SHROOM4: variants seen among roughly 807,000 people sequenced by gnomAD.
SHROOM4 encodes the protein shroom family member 4, also known as protein Shroom4.
In SHROOM4, 17 loss-of-function variants were observed where a neutral mutation model predicts 80.3. The ratio of observed to expected loss-of-function variants is 0.21; its 90% confidence interval spans 0.14 to 0.32. The LOEUF is 0.32. Ranked by LOEUF, SHROOM4 falls within the 10% of genes least tolerant of loss-of-function variation. The probability of loss-of-function intolerance (pLI) is 1.00; values close to 1 mark genes in which losing one functional copy is unlikely to be tolerated. For synonymous variants in SHROOM4, 400 were observed against 437.5 expected (o/e 0.91, Z 1.07); for missense variants, 993 against 1,140.3 (o/e 0.87, Z 1.86).
At chrX:50,652,337 C>T (rs947096424) in intron 2 of SHROOM4, among the ~76,000 whole-genome samples, 19 of 112,087 alleles carry the variant, frequency 1.7e-4, no homozygotes, top group African/African-American at 5.2e-4. Context: ...TGGCCAATGA[C>T]GATAAGCTTT....
chrX:50,578,299 A>T, the SHROOM4 span, among the ~76,000 whole-genome samples: 5 of 111,682 alleles, frequency 4.5e-5, no homozygotes, highest in Non-Finnish European at 9.4e-5. Flanking sequence ...TAAATTAATT[A>T]ATTTATTTAT....
In SHROOM4 at chrX:50,655,483, ATG is replaced by A. The variant is rs1160048698; in HGVS notation, c.270-17177_270-17176del. On this transcript the variant is annotated intron_variant, in intron 2 of 8. Coordinates refer to ENST00000376020, the MANE Select transcript of SHROOM4 (RefSeq NM_020717.5). ...ATGGCTGTATAGTATTTCATTGTAT[ATG>A]TGTGTGTGTATATATATATTTCATA... Among the ~76,000 whole-genome samples, 7 of 106,627 alleles carry A rather than the reference ATG, an allele frequency of 6.6e-5. No homozygotes were observed. In the South Asian group the frequency reaches 1.6e-3, roughly 24 times the overall value. 92.6% of individuals were successfully genotyped at this position (106,627 alleles called of 115,157 possible).
chrX:50,630,645 G>A (rs1305865218), intron 4 of SHROOM4, among the ~76,000 whole-genome samples: 3 of 110,399 alleles, frequency 2.7e-5, no homozygotes, highest in Non-Finnish European at 5.7e-5. Flanking sequence ...CATATACCCA[G>A]CACCTAGATT....
In SHROOM4 at chrX:50,644,588, T is replaced by C. The variant is rs1931750688; in HGVS notation, c.270-6280A>G. Among the ~76,000 whole-genome samples, 3 of 112,494 alleles carry C rather than the reference T, an allele frequency of 2.7e-5. No homozygotes were observed. The South Asian group carries it at 1.1e-3, about 42-fold the overall frequency. ...CCTTTCATTAACACTCCCAATTCCCTACTCCAGTTTCCCTTGGCCTCTGGC... is the reference window on the plus strand; with the variant it reads ...CCTTTCATTAACACTCCCAATTCCCCACTCCAGTTTCCCTTGGCCTCTGGC... On this transcript the variant is annotated intron_variant, in intron 2 of 8. Coordinates refer to ENST00000376020, the MANE Select transcript of SHROOM4 (RefSeq NM_020717.5).
At chrX:50,578,960 A>G in the SHROOM4 span, among the ~76,000 whole-genome samples, 2 of 111,800 alleles carry the variant, frequency 1.8e-5, no homozygotes, top group East Asian at 5.6e-4. Context: ...AATACTGAGC[A>G]GAAAAGAAGA....
intron 1 of SHROOM4, among the ~76,000 whole-genome samples, chrX:50,773,162 T>C (rs782571942): frequency 1.8e-5 from 2 of 112,486 alleles, no homozygotes; most frequent in Non-Finnish European, 3.8e-5. Context: ...CTACTATTCA[T>C]ACTACCATTA....
At chrX:50,646,747 T>C (rs1311184529) in intron 2 of SHROOM4, among the ~76,000 whole-genome samples, 1 of 109,412 alleles carries the variant, frequency 9.1e-6, no homozygotes, top group Non-Finnish European at 1.9e-5. Flanking sequence ...GTTCAAGTTC[T>C]TCCATGTAAA....
chrX:50,654,029 C>A (rs2147351050), intron 2 of SHROOM4, among the ~76,000 whole-genome samples: 1 of 111,953 alleles, frequency 8.9e-6, no homozygotes, highest in South Asian at 3.8e-4. Flanking sequence ...ATACGGGCTG[C>A]TGCTATTTTG....
intron 1 of SHROOM4, among the ~76,000 whole-genome samples, chrX:50,742,149 A>G (rs959976806): frequency 9.2e-6 from 1 of 108,427 alleles, no homozygotes; most frequent in South Asian, 3.9e-4. Flanking sequence ...ACCTCCTTTC[A>G]CTTCCCCCCT....
At chrX:50,675,170 T>C (rs1260509613) in intron 2 of SHROOM4, among the ~76,000 whole-genome samples, 2 of 111,198 alleles carry the variant, frequency 1.8e-5, no homozygotes, top group Admixed American at 9.6e-5. Flanking sequence ...TGGGGCCTTT[T>C]GGAAGGTGGA....
At chrX:50,679,553 G>A (rs782592371) in intron 2 of SHROOM4, among the ~76,000 whole-genome samples, 25 of 111,246 alleles carry the variant, frequency 2.2e-4, no homozygotes, top group African/African-American at 7.8e-4. Context: ...ATTGTTTTGT[G>A]TGCATGTATT....
intron 1 of SHROOM4, among the ~76,000 whole-genome samples, chrX:50,791,935 A>C (rs1935861260): frequency 9.0e-6 from 1 of 111,177 alleles, no homozygotes; most frequent in Non-Finnish European, 1.9e-5. Flanking sequence ...GAAGGGTATC[A>C]AGACTACAAA....
At chrX:50,657,122 C>G (rs1367809823) in intron 2 of SHROOM4, among the ~76,000 whole-genome samples, 2 of 111,645 alleles carry the variant, frequency 1.8e-5, no homozygotes, top group African/African-American at 6.5e-5. Flanking sequence ...TGCAACTTTA[C>G]TGAATTCTTT....
chrX:50,755,630 C>T (rs1602490325), intron 1 of SHROOM4, among the ~76,000 whole-genome samples: 1 of 111,940 alleles, frequency 8.9e-6, no homozygotes, highest in East Asian at 2.8e-4. Context: ...AAATTATTTG[C>T]CACTTTTCAT....
chrX:50,687,217 G>A (rs782618392), intron 2 of SHROOM4: 1 of 107,533 alleles, frequency 9.3e-6, no homozygotes, highest in Non-Finnish European at 1.9e-5. Flanking sequence ...TTTAGGTTTT[G>A]TAGACTATAT....
At chrX:50,767,852 A>G (rs186589952) in intron 1 of SHROOM4, among the ~76,000 whole-genome samples, 155 of 112,100 alleles carry the variant, frequency 1.4e-3, no homozygotes, top group Middle Eastern at 4.6e-3. Context: ...TTTATAAATT[A>G]TAAGTTCTGT....
Position 50,814,086 on chromosome X carries a change from G to C in SHROOM4, c.-68C>G. On this transcript the variant is annotated 5_prime_UTR_variant, in exon 1 of 9. Transcript: ENST00000376020. ...GGCTACGTTGCCTCCGCCCCCAGCA[G>C]CTCCGCCACCATCGCCCTCCAGCTC... The C allele has an allele frequency of 1.3e-6, 1 of 750,579 alleles. No homozygotes were observed. Among genetic ancestry groups the C allele is most frequent in the South Asian group, 2.2e-5 (1 of 45,354 alleles). 61.9% of individuals were successfully genotyped at this position (750,579 alleles called of 1,213,427 possible). A position where few individuals can be genotyped will look rare whatever the true frequency, so the allele number is the denominator to read the frequency against.
Position 50,595,596 on chromosome X carries a change from A to G in SHROOM4, c.*1099T>C. 4.5e-6 allele frequency: 1 copy of G among 224,111 alleles called. No homozygotes were observed. Among genetic ancestry groups the G allele is most frequent in the Non-Finnish European group, 8.3e-6 (1 of 120,504 alleles). The allele number at this position is 224,111 out of a possible 1,213,427, so 18.5% of individuals were successfully genotyped here. A position where few individuals can be genotyped will look rare whatever the true frequency, so the allele number is the denominator to read the frequency against. ...TCACTTAGACTTTAAGGGAAGCACA[A>G]GGCCAGGCCACAGTAGGGAGGCTCT... On this transcript the variant is annotated 3_prime_UTR_variant, in exon 9 of 9. Transcript: ENST00000376020.
chrX:50,584,173 T>C (rs1161276923), downstream of SHROOM4, among the ~76,000 whole-genome samples: 1 of 112,266 alleles, frequency 8.9e-6, no homozygotes, highest in Non-Finnish European at 1.9e-5. Flanking sequence ...AGCAAAGTTG[T>C]AGCTAGCCAT....
Sources: gnomAD v4.1 joint callset for allele counts (sites outside exome capture counted in the v4.1 genomes callset) on GRCh38, gnomAD v4.1.1 for gene constraint, MANE v1.5 for transcripts, NCBI Gene and HGNC (gene_info 2026-07-23, HGNC 2026-07-21) for gene names.